The following MYO6 variants were observed in gnomAD, a reference collection of about 807,000 sequenced individuals.
MYO6 encodes the protein unconventional myosin-VI.
In MYO6, 74 loss-of-function variants were observed where a neutral mutation model predicts 178.7. The ratio of observed to expected loss-of-function variants is 0.41; its 90% CI spans 0.34 to 0.50. The LOEUF is 0.50. Among genes scored for constraint, MYO6 ranks in the 20% least tolerant of loss-of-function variants. The pLI, the probability that MYO6 is intolerant of heterozygous loss-of-function variation, is 0.09. For synonymous variants in MYO6, 477 were observed against 504.6 expected (o/e 0.95, Z 0.73); for missense variants, 1,330 against 1,547.4 (o/e 0.86, Z 2.36).
intron 30 of MYO6, among the ~76,000 whole-genome samples, chr6:75,900,427 T>C (rs1321434449): frequency 5.3e-5 from 8 of 152,218 alleles, no homozygotes; most frequent in African/African-American, 1.7e-4. Flanking sequence ...TGATTGCCAT[T>C]CTAACTGATG....
intron 9 of MYO6, among the ~76,000 whole-genome samples, chr6:75,844,465 G>GGGAA (rs1774538831): frequency 1.3e-5 from 2 of 152,050 alleles, no homozygotes; most frequent in African/African-American, 4.8e-5. Flanking sequence ...ATCAAGGATA[G>GGGAA]AATTTCTTAA....
chr6:75,828,320 T>C (rs922300228), intron 3 of MYO6, among the ~76,000 whole-genome samples: 1 of 152,134 alleles, frequency 6.6e-6, no homozygotes. Flanking sequence ...TAGTTGAAAA[T>C]TCATTACTTA....
intron 5 of MYO6, among the ~76,000 whole-genome samples, chr6:75,831,762 T>G (rs1380693162): frequency 6.6e-6 from 1 of 151,810 alleles, no homozygotes; most frequent in African/African-American, 2.4e-5. Context: ...GGCATGTGCT[T>G]GCCTATAGTC....
chr6:75,847,443 ATTTC>A (rs1774831006), intron 10 of MYO6, among the ~76,000 whole-genome samples: 1 of 152,016 alleles, frequency 6.6e-6, no homozygotes, highest in Non-Finnish European at 1.5e-5. Flanking sequence ...GTTCTGGAAA[ATTTC>A]TAGTACAATC....
At chr6:75,764,109 C>T (rs955775988) in intron 1 of MYO6, among the ~76,000 whole-genome samples, 1 of 152,056 alleles carries the variant, frequency 6.6e-6, no homozygotes, top group African/African-American at 2.4e-5. Flanking sequence ...GCATTCGTAC[C>T]ATTATAGATC....
At chr6:75,794,731 CA>C (rs1335826911) in intron 1 of MYO6, among the ~76,000 whole-genome samples, 4 of 122,778 alleles carry the variant, frequency 3.3e-5, no homozygotes, top group African/African-American at 1.6e-4. Context: ...GTTATATAAG[CA>C]AAAAAAATAA....
At chr6:75,858,877 C>A in intron 13 of MYO6, 25 bp from the exon 14 acceptor site, 1 of 1,404,858 alleles carries the variant, frequency 7.1e-7, no homozygotes, top group Non-Finnish European at 1.0e-6. Flanking sequence ...CATAATGACT[C>A]TTGGTTCTGG....
In MYO6 at chr6:75,915,080, A is replaced by C; in HGVS notation, c.*68A>C. 1.5e-6 allele frequency: 2 copies of C among 1,374,202 alleles called. No individual in the cohort carries two copies. The highest frequency in any genetic ancestry group is 2.0e-6 in the Non-Finnish European group (2 of 985,050). The allele number at this position is 1,374,202 out of a possible 1,614,324, so 85.1% of individuals were successfully genotyped here. ...ACTTAGGTAGGGTGTGTGCCCCCAG[A>C]TTTAACCATTCCATAATCATGTTAG... On this transcript the variant is annotated 3_prime_UTR_variant, in exon 35 of 35. Coordinates refer to ENST00000369977, the MANE Select transcript of MYO6 (RefSeq NM_004999.4).
intron 4 of MYO6, among the ~76,000 whole-genome samples, 145 bp from the exon 5 acceptor site, chr6:75,830,260 ATCAGGGAATAC>A (rs1488645570): frequency 6.6e-6 from 1 of 152,186 alleles, no homozygotes; most frequent in Admixed American, 6.5e-5. Context: ...CCCTATAAAG[ATCAGGGAATAC>A]TCAGGGAATA....
At chr6:75,801,736 C>T (rs531558019) in intron 1 of MYO6, among the ~76,000 whole-genome samples, 7 of 151,662 alleles carry the variant, frequency 4.6e-5, no homozygotes, top group Admixed American at 2.0e-4. Flanking sequence ...AGGTCATGAC[C>T]TCAAGACCAG....
At chr6:75,826,736 C>G (rs1030599393) in intron 3 of MYO6, among the ~76,000 whole-genome samples, 1 of 152,072 alleles carries the variant, frequency 6.6e-6, no homozygotes, top group Non-Finnish European at 1.5e-5. Flanking sequence ...AGCTGCCATT[C>G]AGCTGTTAGG....
rs1392889846 is a variant in MYO6 at position 75,795,421 on chromosome 6, T to C, written c.-47-22080T>C. 2.6e-5 allele frequency among the ~76,000 whole-genome samples: 4 copies of C among 152,346 alleles called. No individual in the cohort carries two copies. In the East Asian group the frequency reaches 7.7e-4, roughly 29 times the overall value. The stretch of plus-strand genomic sequence containing the variant: ...GGAAGGTGTATGGAGCTTTGGATCA[T>C]ATAATCAGTATGATCGATTATTTTT... On this transcript the variant is annotated intron_variant, in intron 1 of 34. Coordinates refer to ENST00000369977, the MANE Select transcript of MYO6 (RefSeq NM_004999.4).
At chr6:75,855,357 T>C in intron 12 of MYO6, 74 bp downstream of exon 12, 1 of 1,474,030 alleles carries the variant, frequency 6.8e-7, no homozygotes, top group Non-Finnish European at 9.4e-7. Flanking sequence ...AGTTACATTC[T>C]GTTTAAAACC....
At chr6:75,815,597 A>G in intron 1 of MYO6, among the ~76,000 whole-genome samples, 1 of 152,214 alleles carries the variant, frequency 6.6e-6, no homozygotes, top group Non-Finnish European at 1.5e-5. Flanking sequence ...TCTTCATCTA[A>G]TTTGTCAACT....
chr6:75,881,324 A>G (rs1046128817), intron 22 of MYO6, among the ~76,000 whole-genome samples: 14 of 152,166 alleles, frequency 9.2e-5, no homozygotes, highest in Admixed American at 9.2e-4. Flanking sequence ...CCATAAGGAT[A>G]TCTGAGAATG....
At chr6:75,831,956 A>G (rs1283737989) in intron 5 of MYO6, among the ~76,000 whole-genome samples, 1 of 151,926 alleles carries the variant, frequency 6.6e-6, no homozygotes, top group Non-Finnish European at 1.5e-5. Context: ...GCTCTTGTAT[A>G]TGGTTTGCAT....
At chr6:75,789,892 T>G (rs1768054791) in intron 1 of MYO6, among the ~76,000 whole-genome samples, 1 of 152,174 alleles carries the variant, frequency 6.6e-6, no homozygotes, top group Non-Finnish European at 1.5e-5. Context: ...GTCCTCCCCC[T>G]GTCCTCCACC....
chr6:75,829,318 C>T (rs1772826674), intron 4 of MYO6, among the ~76,000 whole-genome samples: 1 of 152,088 alleles, frequency 6.6e-6, no homozygotes, highest in African/African-American at 2.4e-5. Context: ...TCCAGTATCA[C>T]CTAACTGTGT....
At chr6:75,760,772 A>T (rs1353831131) in intron 1 of MYO6, among the ~76,000 whole-genome samples, 1 of 151,078 alleles carries the variant, frequency 6.6e-6, no homozygotes, top group Non-Finnish European at 1.5e-5. Flanking sequence ...TAAAGGAGTG[A>T]TTTTCAAACT....
Sources: allele counts gnomAD v4.1 joint callset (sites outside exome capture counted in the v4.1 genomes callset), GRCh38; gene constraint gnomAD v4.1.1; transcripts MANE v1.5; gene names NCBI Gene and HGNC (gene_info 2026-07-23, HGNC 2026-07-21).